Variants in SLC35F1 observed in about 807,000 individuals in gnomAD.
The protein encoded by SLC35F1 is solute carrier family 35 member F1.
A neutral mutation model predicts 48.7 loss-of-function variants in SLC35F1; 14 were observed. The ratio of observed to expected loss-of-function variants is 0.29; its 90% confidence interval spans 0.19 to 0.45. The LOEUF (loss-of-function observed/expected upper bound fraction) is 0.45, where lower values mean the gene tolerates loss of function less well. Among genes scored for constraint, SLC35F1 ranks in the 20% least tolerant of loss-of-function variants. The pLI, the probability that SLC35F1 is intolerant of heterozygous loss-of-function variation, is 1.00. For synonymous variants in SLC35F1, 190 were observed against 202.2 expected (o/e 0.94, Z 0.51); for missense variants, 404 against 500.0 (o/e 0.81, Z 1.83).
chr6:117,951,005 C>A (rs1397720088), intron 1 of SLC35F1, among the ~76,000 whole-genome samples: 1 of 152,072 alleles, frequency 6.6e-6, no homozygotes, highest in Admixed American at 6.5e-5. Flanking sequence ...CAGACATGTA[C>A]AACTGAATGA....
chr6:117,999,644 A>G (rs1425575077), intron 1 of SLC35F1, among the ~76,000 whole-genome samples: 2 of 152,316 alleles, frequency 1.3e-5, no homozygotes, highest in East Asian at 1.9e-4. Flanking sequence ...CCTTCAGAAA[A>G]TTAATGAATC....
chr6:117,972,039 G>C lies in SLC35F1; in HGVS notation c.173+64140G>C, dbSNP rs536039616. Among the ~76,000 whole-genome samples the C allele has an allele frequency of 5.9e-5, 9 of 152,188 alleles. No homozygotes were observed. In the East Asian group the frequency reaches 7.7e-4, roughly 13 times the overall value. On this transcript the variant is annotated intron_variant, in intron 1 of 7. Transcript: ENST00000360388. ...GGTTTTTCTTTTATATCATCATCAG[G>C]GTGCAAATTTTCCAAACTTTCATGC...
intron 7 of SLC35F1, among the ~76,000 whole-genome samples, chr6:118,292,385 G>A (rs1473193250): frequency 6.6e-6 from 1 of 152,210 alleles, no homozygotes; most frequent in East Asian, 1.9e-4. Flanking sequence ...GTCTTGGGAA[G>A]CAGGAGTTTC....
intron 1 of SLC35F1, among the ~76,000 whole-genome samples, chr6:118,043,287 T>C (rs1033845761): frequency 6.6e-6 from 1 of 152,194 alleles, no homozygotes; most frequent in Non-Finnish European, 1.5e-5. Context: ...CATGCACCAA[T>C]AGAATATTAA....
chr6:118,251,236 C>T (rs377317003), intron 3 of SLC35F1, among the ~76,000 whole-genome samples: 1 of 151,946 alleles, frequency 6.6e-6, no homozygotes, highest in African/African-American at 2.4e-5. Context: ...GCCTGGGTGA[C>T]GGAGTGAATA....
chr6:118,274,300 C>A (rs1210285022), intron 4 of SLC35F1, among the ~76,000 whole-genome samples: 1 of 152,172 alleles, frequency 6.6e-6, no homozygotes, highest in African/African-American at 2.4e-5. Flanking sequence ...TTCCCTGGCT[C>A]CATACTTCCT....
At chr6:118,280,941 G>A (rs1321855123) in intron 6 of SLC35F1, among the ~76,000 whole-genome samples, 1 of 151,412 alleles carries the variant, frequency 6.6e-6, no homozygotes, top group Non-Finnish European at 1.5e-5. Flanking sequence ...GAGGTGACTT[G>A]ACGAGCATTA....
rs147653824 is a variant in SLC35F1, at chr6:118,141,781, G to A, written c.174-12664G>A. ...AAGAAACAAACATTCAGTCCATTACGAGATGGTTTGTAAATGGTTTCATCT... is the reference window on the plus strand; with the variant it reads ...AAGAAACAAACATTCAGTCCATTACAAGATGGTTTGTAAATGGTTTCATCT... On this transcript the variant is annotated intron_variant, in intron 1 of 7. Coordinates refer to ENST00000360388, the MANE Select transcript of SLC35F1 (RefSeq NM_001029858.4). Among the ~76,000 whole-genome samples the A allele has an allele frequency of 2.6e-3, 396 of 152,216 alleles. 5 individuals are homozygous for A. Among genetic ancestry groups the A allele is most frequent in the African/African-American group, 9.0e-3 (372 of 41,540 alleles).
intron 1 of SLC35F1, chr6:117,999,289 G>A (rs1777049945): frequency 6.3e-7 from 1 of 1,596,114 alleles, no homozygotes; most frequent in Non-Finnish European, 8.5e-7. Context: ...CCAAGCTTGG[G>A]AAGCGTGCTC....
At chr6:118,086,909 G>T (rs1203126867) in intron 1 of SLC35F1, among the ~76,000 whole-genome samples, 1 of 152,128 alleles carries the variant, frequency 6.6e-6, no homozygotes, top group Admixed American at 6.5e-5. Context: ...GTCTTAGAAA[G>T]TGTATCATGC....
intron 1 of SLC35F1, among the ~76,000 whole-genome samples, chr6:118,090,470 GCC>G (rs975879716): frequency 2.0e-5 from 3 of 152,140 alleles, no homozygotes; most frequent in Non-Finnish European, 4.4e-5. Context: ...ATTAAGAAAG[GCC>G]TCTCCAAATA....
chr6:118,230,946 G>C (rs1388136477), intron 2 of SLC35F1, among the ~76,000 whole-genome samples: 4 of 152,224 alleles, frequency 2.6e-5, no homozygotes, highest in Middle Eastern at 6.8e-3. Context: ...GGGAGACAGA[G>C]AGAGACCCTG....
intron 1 of SLC35F1, among the ~76,000 whole-genome samples, chr6:118,096,927 C>T (rs1773185059): frequency 6.6e-6 from 1 of 152,170 alleles, no homozygotes; most frequent in Non-Finnish European, 1.5e-5. Flanking sequence ...TCATGGAATC[C>T]TATCAGTTCC....
chr6:118,271,994 G>T (rs561716696), intron 4 of SLC35F1, among the ~76,000 whole-genome samples: 1 of 152,196 alleles, frequency 6.6e-6, no homozygotes, highest in Non-Finnish European at 1.5e-5. Flanking sequence ...TACACAGGTA[G>T]TAAGTGATAG....
chr6:118,229,027 A>G (rs1364762521), intron 2 of SLC35F1, among the ~76,000 whole-genome samples: 1 of 151,602 alleles, frequency 6.6e-6, no homozygotes, highest in African/African-American at 2.4e-5. Flanking sequence ...CCTGGGGTGA[A>G]CAAGAATACT....
chr6:118,248,998 C>T (rs73527816), intron 3 of SLC35F1, among the ~76,000 whole-genome samples: 5 of 152,198 alleles, frequency 3.3e-5, no homozygotes, highest in Non-Finnish European at 5.9e-5. Flanking sequence ...ACCATGCACG[C>T]GAGGACACAG....
At chr6:117,914,644 T>C (rs970975973) in intron 1 of SLC35F1, among the ~76,000 whole-genome samples, 2 of 152,180 alleles carry the variant, frequency 1.3e-5, no homozygotes, top group Admixed American at 1.3e-4. Context: ...TATTACCCTT[T>C]GAATATAACC....
intron 1 of SLC35F1, among the ~76,000 whole-genome samples, chr6:118,004,411 T>A (rs1010831022): frequency 2.0e-5 from 3 of 152,194 alleles, no homozygotes; most frequent in Admixed American, 1.3e-4. Flanking sequence ...TATATTTTGC[T>A]TATTGTCTGA....
intron 1 of SLC35F1, among the ~76,000 whole-genome samples, chr6:117,915,512 G>A (rs560767376): frequency 1.3e-5 from 2 of 152,022 alleles, no homozygotes; most frequent in African/African-American, 4.8e-5. Context: ...GGAGAGGGAG[G>A]TGAGACAGGA....
Sources: allele counts gnomAD v4.1 joint callset (sites outside exome capture counted in the v4.1 genomes callset), GRCh38; gene constraint gnomAD v4.1.1; transcripts MANE v1.5; gene names NCBI Gene and HGNC (gene_info 2026-07-23, HGNC 2026-07-21).